The following FER variants were observed in gnomAD, a reference collection of about 807,000 sequenced individuals.
FER encodes tyrosine-protein kinase Fer.
In FER, 63 loss-of-function variants were observed where a neutral mutation model predicts 111.0. The ratio of observed to expected loss-of-function variants is 0.57; its 90% CI spans 0.46 to 0.70. The LOEUF is 0.70. FER is among the 30% of genes least tolerant of loss of function. The pLI is 0.00. For missense variants in FER, 914 were observed against 954.0 expected (o/e 0.96, Z 0.55); for synonymous variants, 327 against 313.9 (o/e 1.04, Z -0.44).
rs150515855 is a variant in FER, at chr5:109,110,765, C to T, written c.2048+10246C>T. Among the ~76,000 whole-genome samples the T allele has an allele frequency of 4.7e-3, 719 of 152,210 alleles. 6 individuals are homozygous for T. The highest frequency in any genetic ancestry group is 0.016 in the African/African-American group (685 of 41,532). On this transcript the variant is annotated intron_variant, in intron 17 of 19. Transcript: ENST00000281092. ...CTGCACCCATTAACTCGTCATTTAA[C>T]ATTAGGTATATCTCCTAATGCTATT...
Position 109,002,749 on chromosome 5 carries a change from C to G in FER, c.1657-34673C>G, listed in dbSNP as rs1167249114. Among the ~76,000 whole-genome samples, 5 of 152,206 alleles carry G rather than the reference C, an allele frequency of 3.3e-5. No individual in the cohort carries two copies. The East Asian group carries it at 9.7e-4, about 29-fold the overall frequency. On this transcript the variant is annotated intron_variant, in intron 13 of 19. Coordinates refer to ENST00000281092, the MANE Select transcript of FER (RefSeq NM_005246.4). The stretch of plus-strand genomic sequence containing the variant: ...CTGACAAAGGGCTAATATCCAGAAT[C>G]TACAATGAACTCAAATTTACAAGAA...
At chr5:109,067,799 T>A (rs961652797) in intron 16 of FER, among the ~76,000 whole-genome samples, 6 of 152,110 alleles carry the variant, frequency 3.9e-5, no homozygotes, top group African/African-American at 1.4e-4. Flanking sequence ...TCCCAAAAAT[T>A]TATACCTCTA....
chr5:108,771,597 T>C (rs1217938738), intron 2 of FER, among the ~76,000 whole-genome samples: 2 of 152,148 alleles, frequency 1.3e-5, no homozygotes, highest in Non-Finnish European at 2.9e-5. Context: ...TTTCTGTATT[T>C]CTCTCTTTTC....
chr5:108,791,992 A>G (rs570607387), intron 2 of FER, among the ~76,000 whole-genome samples: 1 of 152,344 alleles, frequency 6.6e-6, no homozygotes, highest in Admixed American at 6.5e-5. Context: ...ACTTTACCAT[A>G]AATGTAAAGA....
chr5:109,015,535 C>T (rs1766964604), intron 13 of FER, among the ~76,000 whole-genome samples: 1 of 151,702 alleles, frequency 6.6e-6, no homozygotes, highest in Admixed American at 6.6e-5. Flanking sequence ...TAGCCTTTTC[C>T]CTCAAAGAGC....
chr5:108,921,001 T>C (rs1177800069), intron 10 of FER, among the ~76,000 whole-genome samples: 1 of 152,108 alleles, frequency 6.6e-6, no homozygotes, highest in Non-Finnish European at 1.5e-5. Flanking sequence ...TCTGGGACTT[T>C]ATGTTTCATC....
intron 1 of FER, among the ~76,000 whole-genome samples, chr5:108,760,765 A>G (rs1315585656): frequency 3.9e-5 from 6 of 152,126 alleles, no homozygotes; most frequent in Non-Finnish European, 7.3e-5. Flanking sequence ...GGTTTGATCT[A>G]TCTAGACTAC....
At chr5:108,888,039 C>T (rs1747438597) in intron 9 of FER, among the ~76,000 whole-genome samples, 1 of 151,838 alleles carries the variant, frequency 6.6e-6, no homozygotes, top group South Asian at 2.1e-4. Context: ...CTTAAGAGAT[C>T]ATTTGATTTA....
chr5:108,915,375 G>A (rs1296956098), intron 10 of FER, among the ~76,000 whole-genome samples: 1 of 152,160 alleles, frequency 6.6e-6, no homozygotes, highest in African/African-American at 2.4e-5. Flanking sequence ...GAGAGGCTGA[G>A]GCAGGAGAAA....
intron 5 of FER, among the ~76,000 whole-genome samples, chr5:108,838,243 A>C (rs530164309): frequency 1.3e-3 from 200 of 152,290 alleles, no homozygotes; most frequent in African/African-American, 4.3e-3. Flanking sequence ...TTTATGTCAG[A>C]ACCTTAGTTC....
intron 13 of FER, among the ~76,000 whole-genome samples, chr5:108,967,619 G>C (rs1760041817): frequency 6.6e-6 from 1 of 152,064 alleles, no homozygotes; most frequent in Admixed American, 6.5e-5. Context: ...AATTAGCTGG[G>C]TGTGGTGGTG....
intron 13 of FER, among the ~76,000 whole-genome samples, chr5:109,021,399 T>C (rs1767908420): frequency 6.6e-6 from 1 of 152,060 alleles, no homozygotes; most frequent in South Asian, 2.1e-4. Context: ...TATAAGGGTA[T>C]ACTTAACATA....
At chr5:109,002,320 A>G (rs982389707) in intron 13 of FER, among the ~76,000 whole-genome samples, 7 of 151,880 alleles carry the variant, frequency 4.6e-5, no homozygotes, top group East Asian at 1.9e-4. Flanking sequence ...ATAACGCCGC[A>G]TATCTACAAC....
intron 10 of FER, among the ~76,000 whole-genome samples, chr5:108,937,900 T>C (rs912293066): frequency 2.0e-5 from 3 of 151,656 alleles, no homozygotes; most frequent in African/African-American, 4.8e-5. Flanking sequence ...AATTTTTTTT[T>C]ATAAAGGGCA....
intron 3 of FER, among the ~76,000 whole-genome samples, chr5:108,808,292 G>A (rs1757405062): frequency 6.6e-6 from 1 of 151,770 alleles, no homozygotes; most frequent in Non-Finnish European, 1.5e-5. Context: ...TCAATGTTGG[G>A]TGCATATATT....
At chr5:108,853,548 A>G (rs184625546) in intron 5 of FER, among the ~76,000 whole-genome samples, 1 of 152,366 alleles carries the variant, frequency 6.6e-6, no homozygotes, top group Non-Finnish European at 1.5e-5. Context: ...GGAGTGAACC[A>G]TGTGATCATC....
intron 3 of FER, among the ~76,000 whole-genome samples, chr5:108,823,511 G>A (rs912765811): frequency 4.6e-5 from 7 of 152,082 alleles, no homozygotes; most frequent in Admixed American, 2.0e-4. Context: ...GTTTTGATTT[G>A]TAGTTACCTG....
At chr5:108,935,892 A>G (rs2149595737) in intron 10 of FER, among the ~76,000 whole-genome samples, 1 of 152,206 alleles carries the variant, frequency 6.6e-6, no homozygotes, top group South Asian at 2.1e-4. Flanking sequence ...TCTGTTTATT[A>G]CATTATTGGA....
At chr5:109,004,785 C>A (rs918970740) in intron 13 of FER, among the ~76,000 whole-genome samples, 2 of 152,022 alleles carry the variant, frequency 1.3e-5, no homozygotes, top group African/African-American at 4.8e-5. Context: ...TGGTTTTGCA[C>A]CTTATGAAAC....
Sources: allele counts gnomAD v4.1 joint callset (sites outside exome capture counted in the v4.1 genomes callset), GRCh38; gene constraint gnomAD v4.1.1; transcripts MANE v1.5; gene names NCBI Gene and HGNC (gene_info 2026-07-23, HGNC 2026-07-21).